OR7C1: variants seen among roughly 807,000 people sequenced by gnomAD.
OR7C1 encodes the protein olfactory receptor family 7 subfamily C member 1, also known as olfactory receptor 7C1.
For missense variants in OR7C1, 324 were observed against 383.3 expected, an observed-to-expected ratio of 0.85 and a Z score of 1.29; for synonymous variants, 152 against 160.7, an observed-to-expected ratio of 0.95 and a Z score of 0.41.
intron 2 of OR7C1, among the ~76,000 whole-genome samples, chr19:14,808,418 C>T (rs571183964): frequency 6.6e-6 from 1 of 152,030 alleles, no homozygotes; most frequent in East Asian, 1.9e-4. Flanking sequence ...ATATATACAG[C>T]CAACGGAATA....
chr19:14,800,143 A>G (rs368030126), exon 5 of OR7C1: 178 of 1,548,622 alleles, frequency 1.1e-4, no homozygotes, highest in Non-Finnish European at 1.4e-4. Context: ...CCATGGGGAT[A>G]AAATAACTGC....
intron 2 of OR7C1, among the ~76,000 whole-genome samples, chr19:14,805,712 G>A (rs2044663492): frequency 6.6e-6 from 1 of 151,906 alleles, no homozygotes; most frequent in East Asian, 1.9e-4. Context: ...ACCATGCCCG[G>A]CCTGGGAAAT....
At chr19:14,818,728 G>A (rs1294378173) in intron 1 of OR7C1, among the ~76,000 whole-genome samples, 1 of 152,040 alleles carries the variant, frequency 6.6e-6, no homozygotes, top group African/African-American at 2.4e-5. Context: ...TTATAGATGC[G>A]CTTGGGGTGA....
At chr19:14,827,467 A>T (rs1484366888) in intron 1 of OR7C1, 1 of 1,614,020 alleles carries the variant, frequency 6.2e-7, no homozygotes, top group Non-Finnish European at 8.5e-7. Context: ...GAACTAAGGT[A>T]CACCCCTAGG....
intron 1 of OR7C1, among the ~76,000 whole-genome samples, chr19:14,823,542 G>A (rs956252181): frequency 6.6e-6 from 1 of 152,202 alleles, no homozygotes; most frequent in African/African-American, 2.4e-5. Flanking sequence ...GTGAAGTCTG[G>A]GCTTTTAGTG....
chr19:14,808,948 T>C (rs2044678438), intron 2 of OR7C1, among the ~76,000 whole-genome samples: 1 of 152,044 alleles, frequency 6.6e-6, no homozygotes. Flanking sequence ...CCCCCTTTTT[T>C]TACTTCTGTT....
chr19:14,833,684 A>C (rs2044856171), intron 1 of OR7C1, among the ~76,000 whole-genome samples: 1 of 152,220 alleles, frequency 6.6e-6, no homozygotes, highest in Non-Finnish European at 1.5e-5. Context: ...AAATAATTTT[A>C]AACGCTGGTA....
intron 1 of OR7C1, chr19:14,827,640 A>G: frequency 6.2e-7 from 1 of 1,614,208 alleles, no homozygotes; most frequent in Non-Finnish European, 8.5e-7. Flanking sequence ...CGCAACTGTA[A>G]AATATATCAC....
chr19:14,820,430 G>A (rs910075805), intron 1 of OR7C1, among the ~76,000 whole-genome samples: 3 of 151,954 alleles, frequency 2.0e-5, no homozygotes, highest in African/African-American at 7.3e-5. Context: ...GAGATCATTA[G>A]GACAAATACC....
rs2044628695 is a variant in OR7C1, at chr19:14,799,537, G to GTTT, written c.599_600insAAA (p.Tyr200delinsTer). On this transcript the variant is annotated stop_gained, in exon 5 of 5. Coordinates refer to ENST00000641666, the Ensembl canonical transcript of OR7C1. LOFTEE classifies it low-confidence loss of function (END_TRUNC). ...TCACACCCAGGACGCCAGTTGCAAA[G>GTTT]TATATCACCACGTTATTAATGAAGG... is the stretch of plus-strand genomic sequence containing the variant. 1 of 1,614,216 alleles carries GTTT rather than the reference G, an allele frequency of 6.2e-7. No homozygotes were observed. Among genetic ancestry groups the GTTT allele is most frequent in the Non-Finnish European group, 8.5e-7 (1 of 1,180,028 alleles).
chr19:14,806,162 C>T (rs933106028), intron 2 of OR7C1, among the ~76,000 whole-genome samples: 1 of 151,832 alleles, frequency 6.6e-6, no homozygotes, highest in Non-Finnish European at 1.5e-5. Context: ...CTGGGCAATA[C>T]CTAGTGTCCT....
chr19:14,822,909 A>G (rs116845512), intron 1 of OR7C1, among the ~76,000 whole-genome samples: 6 of 151,236 alleles, frequency 4.0e-5, no homozygotes, highest in Non-Finnish European at 8.8e-5. Context: ...ATATTGGGAT[A>G]TTAACCCCTT....
intron 1 of OR7C1, among the ~76,000 whole-genome samples, chr19:14,811,578 C>T (rs2147651361): frequency 6.6e-6 from 1 of 151,628 alleles, no homozygotes; most frequent in East Asian, 1.9e-4. Context: ...GTGAGCTTAT[C>T]CTTTAGGGGG....
At chr19:14,828,298 C>T (rs979213779) in intron 1 of OR7C1, 1 of 1,509,572 alleles carries the variant, frequency 6.6e-7, no homozygotes, top group African/African-American at 1.4e-5. Flanking sequence ...GACAGGCATG[C>T]ATTGCTAACC....
chr19:14,830,621 T>G (rs955248043), intron 1 of OR7C1, among the ~76,000 whole-genome samples: 4 of 152,232 alleles, frequency 2.6e-5, no homozygotes, highest in African/African-American at 9.6e-5. Flanking sequence ...TGGTTTTTAA[T>G]TTAACAATAG....
chr19:14,809,192 A>G (rs907313101), intron 2 of OR7C1, among the ~76,000 whole-genome samples: 2 of 152,010 alleles, frequency 1.3e-5, no homozygotes, highest in African/African-American at 4.8e-5. Flanking sequence ...CACAGAATGT[A>G]AGAAACATCT....
intron 1 of OR7C1, among the ~76,000 whole-genome samples, chr19:14,823,905 C>CTTT (rs200113587): frequency 0.016 from 2,276 of 139,966 alleles, 47 homozygotes; most frequent in African/African-American, 0.054. Context: ...CACTATTGTG[C>CTTT]TTTTTTTTTT....
intron 2 of OR7C1, among the ~76,000 whole-genome samples, chr19:14,808,283 G>A (rs1309310900): frequency 6.6e-6 from 1 of 151,844 alleles, no homozygotes; most frequent in Non-Finnish European, 1.5e-5. Context: ...ATACCCCAAA[G>A]AAAAGAAATC....
intron 1 of OR7C1, among the ~76,000 whole-genome samples, chr19:14,817,604 A>G (rs1016832603): frequency 6.6e-6 from 1 of 152,208 alleles, no homozygotes; most frequent in African/African-American, 2.4e-5. Flanking sequence ...GAGAGAACGG[A>G]AGCTGGGAAT....
Sources: allele counts gnomAD v4.1 joint callset (sites outside exome capture counted in the v4.1 genomes callset), GRCh38; gene constraint gnomAD v4.1.1; transcripts MANE v1.5; gene names NCBI Gene and HGNC (gene_info 2026-07-23, HGNC 2026-07-21).